The following ZNF169 variants were observed in gnomAD, a reference collection of about 807,000 sequenced individuals.
ZNF169 encodes the protein zinc finger protein 169.
ZNF169 carries 11 observed loss-of-function variants against 12.0 expected under a neutral mutation model. The observed-to-expected ratio is 0.92, with a 90% CI of 0.58 to 1.52. ZNF169 has a LOEUF of 1.52. ZNF169 is among the 40% of genes most tolerant of loss of function. ZNF169 has a pLI of 0.00. For synonymous variants in ZNF169, 302 were observed against 286.5 expected, an observed-to-expected ratio of 1.05 and a Z score of -0.55; for missense variants, 722 against 744.0, an observed-to-expected ratio of 0.97 and a Z score of 0.34.
chr9:94,294,067 T>G (rs1830901268), intron 4 of ZNF169: 1 of 152,228 alleles, frequency 6.6e-6, no homozygotes, highest in African/African-American at 2.4e-5. Flanking sequence ...ATTAAGTTGT[T>G]TCCAACTTTT....
intron 2 of ZNF169, among the ~76,000 whole-genome samples, chr9:94,284,991 G>C (rs1214976085): frequency 6.6e-6 from 1 of 152,040 alleles, no homozygotes; most frequent in East Asian, 1.9e-4. Context: ...TTACTGCAAA[G>C]CTATCATAAT....
chr9:94,277,697 C>T (rs1464140048), intron 1 of ZNF169, among the ~76,000 whole-genome samples: 1 of 151,804 alleles, frequency 6.6e-6, no homozygotes, highest in African/African-American at 2.4e-5. Flanking sequence ...TTTGGGAGGC[C>T]GAGGCGGGCG....
rs530834288 is a variant in ZNF169 at position 94,272,310 on chromosome 9, C to T, written c.-55-6448C>T. On this transcript the variant is annotated intron_variant, in intron 1 of 4. Coordinates refer to ENST00000395395, the MANE Select transcript of ZNF169 (RefSeq NM_194320.4). Reference sequence around the variant, plus strand: ...TTAAATTACTGTGGCAAAACAACCACGTAACATATATTTATCCTCTTAATA... The same window carrying T: ...TTAAATTACTGTGGCAAAACAACCATGTAACATATATTTATCCTCTTAATA... Among the ~76,000 whole-genome samples the T allele has an allele frequency of 2.3e-3, 356 of 152,064 alleles. 2 individuals are homozygous for T. Among genetic ancestry groups the T allele is most frequent in the African/African-American group, 8.0e-3 (334 of 41,492 alleles).
chr9:94,274,531 G>A (rs956558858), intron 1 of ZNF169, among the ~76,000 whole-genome samples: 1 of 152,108 alleles, frequency 6.6e-6, no homozygotes, highest in African/African-American at 2.4e-5. Context: ...ATATACAGAT[G>A]TTCCTTGACT....
At chr9:94,291,578 C>T (rs968348518) in intron 2 of ZNF169, among the ~76,000 whole-genome samples, 2 of 151,600 alleles carry the variant, frequency 1.3e-5, no homozygotes, top group African/African-American at 2.4e-5. Flanking sequence ...TCTCAAGGAA[C>T]GAAGGGAAAA....
chr9:94,281,061 A>G (rs1830622038), intron 2 of ZNF169, among the ~76,000 whole-genome samples: 1 of 152,244 alleles, frequency 6.6e-6, no homozygotes, highest in South Asian at 2.1e-4. Context: ...GGAGTTCACT[A>G]TATCTAACAT....
At chr9:94,264,075 T>C (rs1373784225) in intron 1 of ZNF169, among the ~76,000 whole-genome samples, 1 of 152,224 alleles carries the variant, frequency 6.6e-6, no homozygotes, top group Non-Finnish European at 1.5e-5. Context: ...AATTGTCATA[T>C]GTATTGAATC....
intron 2 of ZNF169, among the ~76,000 whole-genome samples, chr9:94,279,347 C>T (rs988343859): frequency 4.6e-5 from 7 of 151,616 alleles, no homozygotes; most frequent in East Asian, 3.9e-4. Flanking sequence ...GCTGAGATCG[C>T]GCCACTGCAC....
chr9:94,282,014 AG>A, intron 2 of ZNF169, among the ~76,000 whole-genome samples: 1 of 152,166 alleles, frequency 6.6e-6, no homozygotes, highest in Middle Eastern at 3.2e-3. Flanking sequence ...ACAAAGGGGA[AG>A]GGGATTCTCT....
At position 94,292,484 on chromosome 9, in the gene ZNF169, T is replaced by C; in HGVS notation, c.160+17T>C. On this transcript the variant is annotated intron_variant, in intron 3 of 4. Transcript: ENST00000395395. Reference sequence around the variant, plus strand: ...TCTCCCTGGGTAAGGCTGGCCTGTTTAAGGTTTCAGATTCTGCTTGTGGGT... The same window carrying C: ...TCTCCCTGGGTAAGGCTGGCCTGTTCAAGGTTTCAGATTCTGCTTGTGGGT... The C allele has an allele frequency of 6.2e-7, 1 of 1,607,972 alleles. No homozygotes were observed. Among genetic ancestry groups the C allele is most frequent in the East Asian group, 2.2e-5 (1 of 44,758 alleles).
At chr9:94,272,861 C>T (rs935596460) in intron 1 of ZNF169, among the ~76,000 whole-genome samples, 3 of 152,020 alleles carry the variant, frequency 2.0e-5, no homozygotes, top group Non-Finnish European at 4.4e-5. Context: ...TTTTTTACAT[C>T]CTTGTTAACA....
chr9:94,268,712 G>C (rs1331758223), intron 1 of ZNF169, among the ~76,000 whole-genome samples: 1 of 148,340 alleles, frequency 6.7e-6, no homozygotes, highest in Non-Finnish European at 1.5e-5. Context: ...GCTTGAACCG[G>C]GAGGCAGGGG....
At chr9:94,287,633 G>A in intron 2 of ZNF169, 1 of 655,854 alleles carries the variant, frequency 1.5e-6, no homozygotes, top group Non-Finnish European at 2.7e-6. Context: ...CAAAGTGCTG[G>A]GATTACAGGC....
At chr9:94,271,836 G>A (rs1322915533) in intron 1 of ZNF169, among the ~76,000 whole-genome samples, 1 of 151,870 alleles carries the variant, frequency 6.6e-6, no homozygotes, top group Non-Finnish European at 1.5e-5. Context: ...ATTTTTAAAG[G>A]ACTTTTGCAG....
At chr9:94,270,695 ATTTATATAAT>A (rs1477261620) in intron 1 of ZNF169, among the ~76,000 whole-genome samples, 2 of 75,796 alleles carry the variant, frequency 2.6e-5, no homozygotes, top group African/African-American at 4.1e-5. Flanking sequence ...TAAATATATA[ATTTATATAAT>A]TATATAATAT....
intron 1 of ZNF169, among the ~76,000 whole-genome samples, chr9:94,277,408 T>G (rs1475422299): frequency 6.6e-6 from 1 of 152,142 alleles, no homozygotes; most frequent in African/African-American, 2.4e-5. Context: ...GAAAGGGGAT[T>G]CTCTATAGAA....
intron 1 of ZNF169, among the ~76,000 whole-genome samples, chr9:94,269,861 C>T (rs1830359887): frequency 6.6e-6 from 1 of 152,174 alleles, no homozygotes; most frequent in Non-Finnish European, 1.5e-5. Flanking sequence ...TGAAGACCTT[C>T]CTCTGGAGCC....
intron 1 of ZNF169, among the ~76,000 whole-genome samples, chr9:94,273,889 A>T (rs1830475295): frequency 6.6e-6 from 1 of 152,028 alleles, no homozygotes; most frequent in South Asian, 2.1e-4. Flanking sequence ...AAAAGCTATA[A>T]CTTTCTTTCT....
chr9:94,278,680 T>A, intron 1 of ZNF169, 78 bp from the exon 2 acceptor site: 1 of 754,074 alleles, frequency 1.3e-6, no homozygotes, highest in Non-Finnish European at 2.2e-6. Context: ...CTCTACTCCC[T>A]ACTGAATTGG....
Sources: gnomAD v4.1 joint callset for allele counts (sites outside exome capture counted in the v4.1 genomes callset) on GRCh38, gnomAD v4.1.1 for gene constraint, MANE v1.5 for transcripts, NCBI Gene and HGNC (gene_info 2026-07-23, HGNC 2026-07-21) for gene names.